Variants in PREX1 observed in about 807,000 individuals in gnomAD.
The protein encoded by PREX1 is phosphatidylinositol 3,4,5-trisphosphate-dependent Rac exchanger 1 protein.
In PREX1, 41 loss-of-function variants were observed where a neutral mutation model predicts 198.3. The ratio of observed to expected loss-of-function variants is 0.21; its 90% confidence interval spans 0.16 to 0.27. The LOEUF (loss-of-function observed/expected upper bound fraction) is 0.27. Among genes scored for constraint, PREX1 ranks in the 10% least tolerant of loss-of-function variants. The probability of loss-of-function intolerance (pLI) is 1.00; values close to 1 mark genes in which losing one functional copy is unlikely to be tolerated. For synonymous variants in PREX1, 843 were observed against 887.2 expected, an observed-to-expected ratio of 0.95 and a Z score of 0.89; for missense variants, 1,620 against 2,200.7, an observed-to-expected ratio of 0.74 and a Z score of 5.28.
At chr20:48,788,769 C>A (rs1568864612) in intron 1 of PREX1, among the ~76,000 whole-genome samples, 2 of 152,172 alleles carry the variant, frequency 1.3e-5, no homozygotes, top group Admixed American at 1.3e-4. Context: ...AGAGGCTCTG[C>A]CCTCATGAAT....
chr20:48,650,551 C>G (rs1352540495), intron 23 of PREX1, among the ~76,000 whole-genome samples: 1 of 152,218 alleles, frequency 6.6e-6, no homozygotes, highest in Admixed American at 6.5e-5. Context: ...CCAGGTGAGG[C>G]AAGTGACCTA....
At position 48,651,523 on chromosome 20, in the gene PREX1, G is replaced by T; in HGVS notation, c.2528C>A (p.Thr843Asn). The change falls in exon 22 of 40, where the codon ACC becomes AAC. Residue 843 changes from threonine to asparagine, a missense_variant. By Grantham distance (65) the Thr-to-Asn change is moderately conservative. This residue lies in a region of PREX1 where 514 missense variants were observed against 611.6 expected (regional missense o/e 0.84). Transcript: ENST00000371941. ...LSLCEDSPMV[T>N]LTVDNVHLEH... ...CAGGTGCACGTTGTCCACAGTCAGG[G>T]TGACCATGGGGCTGTCCTCACACAG... is the stretch of plus-strand genomic sequence containing the variant. The T allele has an allele frequency of 6.2e-7, 1 of 1,614,212 alleles. No homozygotes were observed. Among genetic ancestry groups the T allele is most frequent in the Non-Finnish European group, 8.5e-7 (1 of 1,180,040 alleles).
At position 48,691,612 on chromosome 20, in the gene PREX1, G is replaced by A. The variant is rs2123046841; in HGVS notation, c.1037-516C>T. On this transcript the variant is annotated intron_variant, in intron 8 of 39. Coordinates refer to ENST00000371941, the MANE Select transcript of PREX1 (RefSeq NM_020820.4). This position sits in a 1 kb window ranked among gnomAD's most constrained non-coding sequence, Gnocchi z 5.0. ...TCATGAGACTGCCAAAGGGGACTGTGGCTCAAAACCAAGCAAGAACCCCTG... is the reference window on the plus strand; with the variant it reads ...TCATGAGACTGCCAAAGGGGACTGTAGCTCAAAACCAAGCAAGAACCCCTG... Among the ~76,000 whole-genome samples the A allele has an allele frequency of 6.6e-6, 1 of 152,262 alleles. No homozygotes were observed. The highest frequency in any genetic ancestry group is 2.4e-5 in the African/African-American group (1 of 41,566).
At chr20:48,882,525 A>AAAAAAAAAAAAG in the PREX1 span, among the ~76,000 whole-genome samples, 1 of 97,848 alleles carries the variant, frequency 1.0e-5, no homozygotes, top group Non-Finnish European at 2.0e-5. Flanking sequence ...AAAAAAAAAA[A>AAAAAAAAAAAAG]AGAGAGAATC....
chr20:48,882,585 G>C, the PREX1 span, among the ~76,000 whole-genome samples: 6 of 150,632 alleles, frequency 4.0e-5, no homozygotes, highest in Admixed American at 2.6e-4. Context: ...TGTGTCTCTG[G>C]GGTATATATA....
intron 1 of PREX1, among the ~76,000 whole-genome samples, chr20:48,787,430 G>A (rs752956439): frequency 6.6e-6 from 1 of 151,674 alleles, no homozygotes; most frequent in Non-Finnish European, 1.5e-5. Context: ...CACATTACAA[G>A]TGTTTGAAGG....
At chr20:48,820,673 C>T (rs554376492) in intron 1 of PREX1, among the ~76,000 whole-genome samples, 24 of 152,240 alleles carry the variant, frequency 1.6e-4, no homozygotes, top group Non-Finnish European at 3.4e-4. Context: ...CTAGTGGATA[C>T]CTGGAATATC....
intron 14 of PREX1, among the ~76,000 whole-genome samples, chr20:48,675,334 G>A (rs531510216): frequency 9.2e-5 from 14 of 152,306 alleles, no homozygotes; most frequent in Admixed American, 3.9e-4. Context: ...CCCAACCTCC[G>A]GAACTGTGAG....
intron 1 of PREX1, among the ~76,000 whole-genome samples, chr20:48,759,391 A>T (rs1026079516): frequency 5.3e-5 from 8 of 151,938 alleles, no homozygotes; most frequent in Admixed American, 4.6e-4. Flanking sequence ...CTCTACAAAA[A>T]ATACAAAAAT....
the PREX1 span, among the ~76,000 whole-genome samples, chr20:48,838,169 G>C: frequency 4.6e-5 from 7 of 152,280 alleles, no homozygotes; most frequent in South Asian, 1.5e-3. Context: ...CCGCACAAAG[G>C]CTTAAGCGGG....
intron 1 of PREX1, among the ~76,000 whole-genome samples, chr20:48,770,787 C>G (rs953385401): frequency 4.6e-5 from 7 of 152,274 alleles, no homozygotes; most frequent in Middle Eastern, 3.4e-3. Flanking sequence ...TTTGCAATCA[C>G]AAGGCAACCC....
chr20:48,654,585 G>A (rs1014550238), intron 19 of PREX1, among the ~76,000 whole-genome samples: 1 of 152,204 alleles, frequency 6.6e-6, no homozygotes, highest in Non-Finnish European at 1.5e-5. Flanking sequence ...GTTGTCCCAA[G>A]GTGAGAATCA....
Position 48,746,999 on chromosome 20 carries a change from CA to C in PREX1, c.291+809del, listed in dbSNP as rs1568848702. On this transcript the variant is annotated intron_variant, in intron 2 of 39. Transcript: ENST00000371941. ...ACACACACACACACACACACACACA[CA>C]CACACACACACCCCACCCCCAGGAG... is the stretch of plus-strand genomic sequence containing the variant. 6.0e-4 allele frequency among the ~76,000 whole-genome samples: 65 copies of C among 107,978 alleles called. No individual in the cohort carries two copies. In the East Asian group the frequency reaches 6.7e-3, roughly 11 times the overall value. 70.8% of individuals were successfully genotyped at this position (107,978 alleles called of 152,430 possible). A position where few individuals can be genotyped will look rare whatever the true frequency, so the allele number is the denominator to read the frequency against.
the PREX1 span, among the ~76,000 whole-genome samples, chr20:48,841,250 A>C: frequency 6.6e-6 from 1 of 152,172 alleles, no homozygotes; most frequent in East Asian, 1.9e-4. Context: ...TGCTAGATTC[A>C]GGGGAAGGCA....
intron 5 of PREX1, among the ~76,000 whole-genome samples, chr20:48,716,383 A>T (rs1487365343): frequency 6.6e-6 from 1 of 152,198 alleles, no homozygotes. Flanking sequence ...AAACTGTGTC[A>T]TCAGCTCCCA....
chr20:48,789,557 C>T (rs2090328009), intron 1 of PREX1, among the ~76,000 whole-genome samples: 1 of 152,206 alleles, frequency 6.6e-6, no homozygotes, highest in Non-Finnish European at 1.5e-5. Context: ...TTGTCTGTGG[C>T]AGGGCCAGGC....
chr20:48,642,676 C>T, intron 27 of PREX1, 187 bp from the exon 28 acceptor site: 1 of 556,148 alleles, frequency 1.8e-6, no homozygotes, highest in Non-Finnish European at 3.2e-6. Flanking sequence ...TCAGTTTCTT[C>T]ATCTGCAAAA....
At chr20:48,634,434 T>C (rs914350931) in intron 33 of PREX1, among the ~76,000 whole-genome samples, 1 of 152,262 alleles carries the variant, frequency 6.6e-6, no homozygotes, top group African/African-American at 2.4e-5. Flanking sequence ...AGTGTCATTC[T>C]CTTTTAAGAG....
At chr20:48,679,273 G>A in intron 13 of PREX1, 87 bp downstream of exon 13, 1 of 1,146,458 alleles carries the variant, frequency 8.7e-7, no homozygotes, top group Non-Finnish European at 1.3e-6. Context: ...AAGGAGACTG[G>A]AGCTCAGAGA....
Sources: gnomAD v4.1 joint callset for allele counts (sites outside exome capture counted in the v4.1 genomes callset) on GRCh38, gnomAD v4.1.1 for gene constraint, gnomAD v4.1.1 regional missense constraint, Gnocchi (gnomAD v3.1) non-coding constraint, MANE v1.5 for transcripts, NCBI Gene and HGNC (gene_info 2026-07-23, HGNC 2026-07-21) for gene names.